Variants in HTR3B observed in about 807,000 individuals in gnomAD.
HTR3B encodes the protein 5-hydroxytryptamine (serotonin) receptor 3B, ionotropic.
In HTR3B, 44 loss-of-function variants were observed where a neutral mutation model predicts 42.8. That is an observed-to-expected ratio of 1.03 (90% CI 0.81 to 1.32). The LOEUF (loss-of-function observed/expected upper bound fraction) is 1.32, where lower values mean the gene tolerates loss of function less well. Ranked by LOEUF, HTR3B falls within the 40% of genes most tolerant of loss-of-function variation. The pLI, the probability that HTR3B is intolerant of heterozygous loss-of-function variation, is 0.00. For synonymous variants in HTR3B, 203 were observed against 209.0 expected, an observed-to-expected ratio of 0.97 and a Z score of 0.25; for missense variants, 527 against 536.5, an observed-to-expected ratio of 0.98 and a Z score of 0.17.
chr11:113,904,198 A>C (rs1042106243), upstream of HTR3B, among the ~76,000 whole-genome samples: 1 of 152,198 alleles, frequency 6.6e-6, no homozygotes, highest in African/African-American at 2.4e-5. Context: ...GTGAAAAAAA[A>C]ACTTTTATTA....
In HTR3B at chr11:113,943,279, G is replaced by A. The variant is rs139583901; in HGVS notation, c.907+87G>A. 8.0e-4 allele frequency: 913 copies of A among 1,147,844 alleles called. 2 individuals carry two copies. The African/African-American group carries it at 0.011, about 14-fold the overall frequency. The allele number at this position is 1,147,844 out of a possible 1,614,324, so 71.1% of individuals were successfully genotyped here. A position where few individuals can be genotyped will look rare whatever the true frequency, so the allele number is the denominator to read the frequency against. ...TGGCCAGGCATGGTGGCTCATGCCC[G>A]TAATATCAGCACTTTGGGAGGCCAA... On this transcript the variant is annotated intron_variant, in intron 7 of 8. Transcript: ENST00000260191.
intron 2 of HTR3B, among the ~76,000 whole-genome samples, chr11:113,931,174 A>G (rs755373228): frequency 6.6e-6 from 1 of 152,176 alleles, no homozygotes; most frequent in Non-Finnish European, 1.5e-5. Context: ...CCGTTTTGTC[A>G]TAGATAATAT....
intron 6 of HTR3B, among the ~76,000 whole-genome samples, chr11:113,935,790 C>T (rs1380378066): frequency 1.3e-5 from 2 of 152,160 alleles, no homozygotes; most frequent in South Asian, 2.1e-4. Context: ...CCGGCTGTGT[C>T]TCAGTCCAGG....
chr11:113,903,843 T>C (rs893511614), upstream of HTR3B, among the ~76,000 whole-genome samples: 14 of 152,228 alleles, frequency 9.2e-5, no homozygotes, highest in African/African-American at 3.4e-4. Flanking sequence ...TTTCTGTGTA[T>C]ACCACTCCCT....
At chr11:113,935,752 A>G (rs1345109141) in intron 6 of HTR3B, among the ~76,000 whole-genome samples, 1 of 152,146 alleles carries the variant, frequency 6.6e-6, no homozygotes, top group East Asian at 1.9e-4. Context: ...TCCTGACAGC[A>G]AAGGACCATC....
intron 1 of HTR3B, among the ~76,000 whole-genome samples, chr11:113,907,409 A>G (rs567605909): frequency 6.6e-6 from 1 of 152,198 alleles, no homozygotes; most frequent in African/African-American, 2.4e-5. Flanking sequence ...CCTGTAATTG[A>G]TCTTTCTCCT....
chr11:113,924,932 C>T (rs1949954709), intron 2 of HTR3B, among the ~76,000 whole-genome samples: 1 of 152,172 alleles, frequency 6.6e-6, no homozygotes, highest in Non-Finnish European at 1.5e-5. Context: ...TCTATGTGCT[C>T]CGAATGCCTT....
intron 2 of HTR3B, 146 bp downstream of exon 2, chr11:113,909,601 T>C (rs1336681416): frequency 3.0e-6 from 2 of 673,242 alleles, no homozygotes; most frequent in Admixed American, 3.0e-5. Flanking sequence ...AGCAGTTAGG[T>C]AAAATATTCA....
At chr11:113,906,234 G>A (rs1271480372) in intron 1 of HTR3B, among the ~76,000 whole-genome samples, 2 of 152,116 alleles carry the variant, frequency 1.3e-5, no homozygotes, top group African/African-American at 4.8e-5. Flanking sequence ...GTTTTACTAT[G>A]TTTACTTTAC....
chr11:113,943,601 C>T (rs1950153871), intron 7 of HTR3B, among the ~76,000 whole-genome samples: 1 of 151,954 alleles, frequency 6.6e-6, no homozygotes, highest in South Asian at 2.1e-4. Context: ...TCCCAGAGTG[C>T]TGGGATTACA....
intron 1 of HTR3B, among the ~76,000 whole-genome samples, chr11:113,907,243 C>T (rs551271853): frequency 2.6e-5 from 4 of 152,160 alleles, no homozygotes; most frequent in Non-Finnish European, 4.4e-5. Context: ...GCAGTTTTGG[C>T]GAGGAATCTT....
At chr11:113,915,985 C>T (rs555358287) in intron 2 of HTR3B, among the ~76,000 whole-genome samples, 63 of 152,158 alleles carry the variant, frequency 4.1e-4, no homozygotes, top group Non-Finnish European at 7.9e-4. Context: ...ATTACAGGCA[C>T]CCACGACCGT....
chr11:113,906,338 T>G (rs1371966194), intron 1 of HTR3B, among the ~76,000 whole-genome samples: 1 of 152,190 alleles, frequency 6.6e-6, no homozygotes, highest in African/African-American at 2.4e-5. Flanking sequence ...GAAGGAGGCC[T>G]GAACAAGGAG....
chr11:113,946,375 A>C lies in HTR3B; in HGVS notation c.*238A>C. The C allele has an allele frequency of 5.5e-6, 1 of 181,738 alleles. No individual in the cohort carries two copies. The highest frequency in any genetic ancestry group is 1.1e-5 in the Non-Finnish European group (1 of 89,570). The allele number at this position is 181,738 out of a possible 1,614,324, so 11.3% of individuals were successfully genotyped here. On this transcript the variant is annotated 3_prime_UTR_variant, in exon 9 of 9. Coordinates refer to ENST00000260191, the MANE Select transcript of HTR3B (RefSeq NM_006028.5). ...AAATAAATAAATAAATAAATAAATAAATAAATAGCTGGGCATAGTGGCTCA... is the reference window on the plus strand; with the variant it reads ...AAATAAATAAATAAATAAATAAATACATAAATAGCTGGGCATAGTGGCTCA...
At chr11:113,921,892 T>A (rs368675484) in intron 2 of HTR3B, among the ~76,000 whole-genome samples, 28 of 152,322 alleles carry the variant, frequency 1.8e-4, no homozygotes, top group African/African-American at 6.3e-4. Context: ...GTTAGACATG[T>A]CATCATATTG....
the HTR3B span, among the ~76,000 whole-genome samples, chr11:113,899,233 C>T: frequency 6.6e-6 from 1 of 152,100 alleles, no homozygotes; most frequent in African/African-American, 2.4e-5. Flanking sequence ...GTAAAATGTG[C>T]ATTATTATTA....
intron 2 of HTR3B, among the ~76,000 whole-genome samples, chr11:113,927,110 T>G (rs935726752): frequency 6.6e-6 from 1 of 152,236 alleles, no homozygotes; most frequent in Admixed American, 6.5e-5. Flanking sequence ...CATTTTTACT[T>G]GTCATAAAAT....
upstream of HTR3B, among the ~76,000 whole-genome samples, chr11:113,904,413 A>G (rs1298697147): frequency 6.6e-6 from 1 of 152,252 alleles, no homozygotes; most frequent in Non-Finnish European, 1.5e-5. Flanking sequence ...AGACAATACC[A>G]GGTTTCCATT....
chr11:113,935,164 C>G (rs1269496516), intron 6 of HTR3B, among the ~76,000 whole-genome samples: 1 of 130,852 alleles, frequency 7.6e-6, no homozygotes, highest in East Asian at 2.3e-4. Context: ...TTTCTATATA[C>G]CATCTCCATT....
Sources: gnomAD v4.1 joint callset for allele counts (sites outside exome capture counted in the v4.1 genomes callset) on GRCh38, gnomAD v4.1.1 for gene constraint, MANE v1.5 for transcripts, NCBI Gene and HGNC (gene_info 2026-07-23, HGNC 2026-07-21) for gene names.